The following VEZF1 variants were observed in gnomAD, a reference collection of about 807,000 sequenced individuals.
VEZF1 encodes putative transcription factor DB1.
A neutral mutation model predicts 44.1 loss-of-function variants in VEZF1; 5 were observed. That is an observed-to-expected ratio of 0.11 (90% CI 0.06 to 0.24). The LOEUF is 0.24. Ranked by LOEUF, VEZF1 falls within the 10% of genes least tolerant of loss-of-function variation. The pLI is 1.00. For missense variants in VEZF1, 358 were observed against 641.8 expected, an observed-to-expected ratio of 0.56 and a Z score of 4.78; for synonymous variants, 236 against 233.1, an observed-to-expected ratio of 1.01 and a Z score of -0.11.
chr17:57,976,038 C>T (rs1451702654), intron 5 of VEZF1, among the ~76,000 whole-genome samples: 4 of 152,072 alleles, frequency 2.6e-5, no homozygotes, highest in Admixed American at 1.3e-4. Context: ...TCAAGCGATC[C>T]GTCCACCTCA....
At chr17:57,981,667 A>C (rs567425515) in intron 3 of VEZF1, among the ~76,000 whole-genome samples, 28 of 152,380 alleles carry the variant, frequency 1.8e-4, no homozygotes, top group African/African-American at 5.8e-4. Flanking sequence ...CTTAAAAAAA[A>C]CAACACGCTT....
chr17:57,975,749 A>G (rs573992865), intron 5 of VEZF1, among the ~76,000 whole-genome samples: 1 of 152,322 alleles, frequency 6.6e-6, no homozygotes, highest in East Asian at 1.9e-4. Context: ...CTAGGCAAGG[A>G]GACCCTGCAG....
Position 57,972,061 on chromosome 17 carries a change from G to A in VEZF1, c.*2412C>T, listed in dbSNP as rs1231224955. The A allele has an allele frequency of 6.6e-6, 1 of 152,512 alleles. No individual in the cohort carries two copies. The highest frequency in any genetic ancestry group is 1.5e-5 in the Non-Finnish European group (1 of 68,024). The allele number at this position is 152,512 out of a possible 1,614,324, so 9.4% of individuals were successfully genotyped here. A position where few individuals can be genotyped will look rare whatever the true frequency, so the allele number is the denominator to read the frequency against. ...GACGTGGCTTTATTATTGCAGACAA[G>A]CTTCTTAAGTGAATAAAGAATGCAT... On this transcript the variant is annotated 3_prime_UTR_variant, in exon 6 of 6. Transcript: ENST00000581208.
chr17:57,982,196 G>A (rs533645314), intron 2 of VEZF1, among the ~76,000 whole-genome samples: 3 of 152,188 alleles, frequency 2.0e-5, no homozygotes, highest in South Asian at 2.1e-4. Flanking sequence ...CAAAATACCC[G>A]AAGTTTTAGT....
At chr17:57,987,271 A>T (rs2075304246) in intron 1 of VEZF1, among the ~76,000 whole-genome samples, 1 of 151,948 alleles carries the variant, frequency 6.6e-6, no homozygotes, top group Non-Finnish European at 1.5e-5. Flanking sequence ...CCCGGCCCCC[A>T]CCGCTCCCCG....
chr17:57,979,242 G>GC lies in VEZF1; in HGVS notation c.1047_1048insG (p.Gln350AlafsTer26), dbSNP rs772843449. The stretch of plus-strand genomic sequence containing the variant: ...CTTGTCACATGTTGTTGTTGTTGTT[G>GC]TTGCTGCTGCTGCTGCTGCTGCTGC... On this transcript the variant is annotated frameshift_variant, in exon 5 of 6. Transcript: ENST00000581208. LOFTEE classifies it high-confidence loss of function. 34 of 1,602,552 alleles carry GC rather than the reference G, an allele frequency of 2.1e-5. No individual in the cohort carries two copies. Among genetic ancestry groups the GC allele is most frequent in the Admixed American group, 5.0e-5 (3 of 59,706 alleles).
rs145463648 is a variant in VEZF1 at position 57,974,824 on chromosome 17, G to C, written c.1215C>G (p.Ser405=). The change falls in exon 6 of 6, where the codon TCC becomes TCG. Residue 405 remains serine, a synonymous_variant. Transcript: ENST00000581208. ...VTLTTPFSIT[S]SVSSGTMSNP... ...TTGACATAGTCCCAGACGACACAGA[G>C]GATGTTATACTGAATGGAGTAGTGA... 3 of 1,614,086 alleles carry C rather than the reference G, an allele frequency of 1.9e-6. No individual in the cohort carries two copies. The highest frequency in any genetic ancestry group is 2.7e-5 in the African/African-American group (2 of 74,930).
intron 2 of VEZF1, among the ~76,000 whole-genome samples, chr17:57,982,174 T>C (rs962872518): frequency 6.6e-6 from 1 of 152,252 alleles, no homozygotes; most frequent in Non-Finnish European, 1.5e-5. Flanking sequence ...AGGTCTTGAT[T>C]CTTTACAATT....
At chr17:57,977,559 T>A (rs760375926) in intron 5 of VEZF1, among the ~76,000 whole-genome samples, 2 of 152,188 alleles carry the variant, frequency 1.3e-5, no homozygotes, top group Non-Finnish European at 2.9e-5. Flanking sequence ...TGAAAAAGAA[T>A]GTCGCCAGGG....
intron 1 of VEZF1, chr17:57,986,081 CA>C (rs926289136): frequency 1.3e-5 from 2 of 152,048 alleles, no homozygotes; most frequent in Admixed American, 6.5e-5. Context: ...CACACATTGC[CA>C]AGCCCAGGAT....
chr17:57,977,852 G>GAA (rs572032894), intron 5 of VEZF1, among the ~76,000 whole-genome samples: 3 of 114,932 alleles, frequency 2.6e-5, no homozygotes, highest in East Asian at 3.0e-4. Context: ...CTCAAAAAAA[G>GAA]AAAAAAAAAA....
rs1313608509 is a variant in VEZF1, at chr17:57,972,291, A to C, written c.*2182T>G. 2 of 152,284 alleles carry C rather than the reference A, an allele frequency of 1.3e-5. No homozygotes were observed. Among genetic ancestry groups the C allele is most frequent in the Admixed American group, 1.3e-4 (2 of 15,266 alleles). 9.4% of individuals were successfully genotyped at this position (152,284 alleles called of 1,614,324 possible). On this transcript the variant is annotated 3_prime_UTR_variant, in exon 6 of 6. Transcript: ENST00000581208. Reference sequence around the variant, plus strand: ...CTGCTCCTTGGACCACTGTGGAGGAAGCCTGGGCTGTCTGAATTGTGAATT... The same window carrying C: ...CTGCTCCTTGGACCACTGTGGAGGACGCCTGGGCTGTCTGAATTGTGAATT...
chr17:57,974,486 G>GA lies in VEZF1; in HGVS notation c.1552dup (p.Ser518PhefsTer15), dbSNP rs1567736245. Reference sequence around the variant, plus strand: ...TTATAATACTGTTTACCAAGGCGGTGATGTAGGCAAAGCTTGGGGCAAGAA... The same window carrying GA: ...TTATAATACTGTTTACCAAGGCGGTGAATGTAGGCAAAGCTTGGGGCAAGAA... On this transcript the variant is annotated frameshift_variant, in exon 6 of 6. Transcript: ENST00000581208. LOFTEE classifies it high-confidence loss of function. 1.9e-6 allele frequency: 3 copies of GA among 1,612,994 alleles called. No homozygotes were observed. The highest frequency in any genetic ancestry group is 1.7e-6 in the Non-Finnish European group (2 of 1,179,120).
At chr17:57,984,638 C>A (rs1023391916) in intron 1 of VEZF1, among the ~76,000 whole-genome samples, 6 of 152,168 alleles carry the variant, frequency 3.9e-5, no homozygotes, top group African/African-American at 1.2e-4. Context: ...TACTCTATAA[C>A]CACAAGTCCC....
chr17:57,981,731 T>C, intron 3 of VEZF1, 142 bp downstream of exon 3: 2 of 605,794 alleles, frequency 3.3e-6, no homozygotes, highest in Non-Finnish European at 5.4e-6. Context: ...TTATATTTTA[T>C]AAAACTAGAA....
chr17:57,985,483 TA>T (rs1343537687), intron 1 of VEZF1: 96 of 1,206,058 alleles, frequency 8.0e-5, no homozygotes, highest in Non-Finnish European at 9.8e-5. Context: ...AGAGACAGAG[TA>T]AAATAACAAC....
chr17:57,982,129 T>C (rs1229834314), intron 2 of VEZF1, among the ~76,000 whole-genome samples, 193 bp from the exon 3 acceptor site: 2 of 152,234 alleles, frequency 1.3e-5, no homozygotes, highest in Non-Finnish European at 2.9e-5. Flanking sequence ...CCTCTACCTG[T>C]TAATTTTCTC....
Position 57,980,932 on chromosome 17 carries a change from A to C in VEZF1, c.793-146T>G, listed in dbSNP as rs998376490. The C allele has an allele frequency of 4.0e-6, 3 of 745,972 alleles. No homozygotes were observed. The Admixed American group carries it at 8.9e-5, about 22-fold the overall frequency. The allele number at this position is 745,972 out of a possible 1,614,324, so 46.2% of individuals were successfully genotyped here. On this transcript the variant is annotated intron_variant, in intron 3 of 5. Coordinates refer to ENST00000581208, the MANE Select transcript of VEZF1 (RefSeq NM_007146.3). ...AATTGCATATGTTACCTAGAATCAT[A>C]ATCATAATAAAACTCTTGATAAATT...
At position 57,974,856 on chromosome 17, in the gene VEZF1, C is replaced by A. The variant is rs746709295; in HGVS notation, c.1183G>T (p.Val395Leu). Reference protein sequence around the residue: ...CQTSTAATTPVTLTTPFSITS... With the variant: ...CQTSTAATTPLTLTTPFSITS... ...ATACTGAATGGAGTAGTGAGAGTCA[C>A]AGGTGTCGTAGCAGCCGTGGAGGTT... The change falls in exon 6 of 6, where the codon GTG becomes TTG. Residue 395 changes from valine (V) to leucine (L), a missense_variant. Transcript: ENST00000581208. 2 of 1,614,118 alleles carry A rather than the reference C, an allele frequency of 1.2e-6. No individual in the cohort carries two copies. Among genetic ancestry groups the A allele is most frequent in the Non-Finnish European group, 1.7e-6 (2 of 1,180,012 alleles).
Sources: allele counts gnomAD v4.1 joint callset (sites outside exome capture counted in the v4.1 genomes callset), GRCh38; gene constraint gnomAD v4.1.1; transcripts MANE v1.5; gene names NCBI Gene and HGNC (gene_info 2026-07-23, HGNC 2026-07-21).